Variants in CS observed in about 807,000 individuals in gnomAD.
CS encodes the protein citrate synthase, mitochondrial.
A neutral mutation model predicts 61.4 loss-of-function variants in CS; 13 were observed. That is an observed-to-expected ratio of 0.21 (90% confidence interval 0.14 to 0.34). The LOEUF is 0.34. Ranked by LOEUF, CS falls within the 10% of genes least tolerant of loss-of-function variation. The pLI is 1.00. For synonymous variants in CS, 159 were observed against 215.2 expected (o/e 0.74, Z 2.29); for missense variants, 278 against 573.4 (o/e 0.48, Z 5.26).
chr12:56,292,596 C>A (rs957298760), intron 1 of CS, among the ~76,000 whole-genome samples: 2 of 150,330 alleles, frequency 1.3e-5, no homozygotes, highest in Non-Finnish European at 3.0e-5. Flanking sequence ...ATAAAAATGG[C>A]CTTGATGGCC....
rs1409868164 is a variant in CS at position 56,280,053 on chromosome 12, G to A, written c.588+2367C>T. ...CCAGCACTTTGGGGAAGAGGTGGGC[G>A]AATCACCTGAGGTCAGGAGTTCTGG... is the stretch of plus-strand genomic sequence containing the variant. On this transcript the variant is annotated intron_variant, in intron 6 of 10. Transcript: ENST00000351328. Among the ~76,000 whole-genome samples, 4 of 151,938 alleles carry A rather than the reference G, an allele frequency of 2.6e-5. No homozygotes were observed. The South Asian group carries it at 6.2e-4, about 24-fold the overall frequency.
intron 1 of CS, among the ~76,000 whole-genome samples, chr12:56,290,200 TTA>T (rs1339605075): frequency 1.3e-5 from 2 of 148,984 alleles, no homozygotes; most frequent in Non-Finnish European, 3.0e-5. Flanking sequence ...CCGGAAGATT[TTA>T]TGTTTTTTTG....
chr12:56,293,459 G>A lies in CS; in HGVS notation c.42+6701C>T, dbSNP rs932039396. 4.6e-5 allele frequency among the ~76,000 whole-genome samples: 7 copies of A among 152,220 alleles called. No individual in the cohort carries two copies. The South Asian group carries it at 8.3e-4, about 18-fold the overall frequency. On this transcript the variant is annotated intron_variant, in intron 1 of 10. Transcript: ENST00000351328. ...AGGCTGGACACGGTGGCTCACGCCT[G>A]TAATCCCAACACCTTGGGAGGCCAA...
chr12:56,298,068 G>T (rs1402564279), intron 1 of CS, among the ~76,000 whole-genome samples: 1 of 152,024 alleles, frequency 6.6e-6, no homozygotes, highest in Non-Finnish European at 1.5e-5. Flanking sequence ...GAGCGATCTG[G>T]GCTCACCACA....
chr12:56,280,595 C>T (rs1173593270), intron 6 of CS, among the ~76,000 whole-genome samples: 1 of 151,700 alleles, frequency 6.6e-6, no homozygotes, highest in African/African-American at 2.4e-5. Context: ...CCACTGCATC[C>T]TGGCCTGGGT....
At chr12:56,283,488 C>T (rs1872838970) in intron 4 of CS, among the ~76,000 whole-genome samples, 1 of 152,164 alleles carries the variant, frequency 6.6e-6, no homozygotes, top group Non-Finnish European at 1.5e-5. Flanking sequence ...CATGATCTGC[C>T]CGCCTCAGCC....
At chr12:56,290,714 GGAAA>G (rs1873095200) in intron 1 of CS, among the ~76,000 whole-genome samples, 1 of 12,660 alleles carries the variant, frequency 7.9e-5, no homozygotes, top group Non-Finnish European at 2.3e-3. Flanking sequence ...TTTGGAGTTA[GGAAA>G]GGAAGTCTGG....
rs910570641 is a variant in CS, at chr12:56,273,573, A to T, written c.1230+14T>A. The T allele has an allele frequency of 6.7e-5, 108 of 1,612,746 alleles. No homozygotes were observed. Among genetic ancestry groups the T allele is most frequent in the Non-Finnish European group, 9.0e-5 (106 of 1,178,896 alleles). On this transcript the variant is annotated intron_variant, in intron 10 of 10. Coordinates refer to ENST00000351328, the MANE Select transcript of CS (RefSeq NM_004077.3). ...GGTACAAATTAGAGGGAAAAGAGGG[A>T]AAGGAGGACTTACCTGGAGCAGCAC...
intron 1 of CS, chr12:56,298,502 G>T: frequency 3.0e-6 from 1 of 338,182 alleles, no homozygotes; most frequent in African/African-American, 2.2e-5. Flanking sequence ...TGCAGGGTTA[G>T]ACTATCTGGT....
At chr12:56,299,763 T>C in intron 1 of CS, 1 of 215,622 alleles carries the variant, frequency 4.6e-6, no homozygotes, top group Non-Finnish European at 9.4e-6. Flanking sequence ...GCACATATCT[T>C]CACTCCCGCT....
chr12:56,293,576 G>T (rs1873201042), intron 1 of CS, among the ~76,000 whole-genome samples: 1 of 152,060 alleles, frequency 6.6e-6, no homozygotes. Context: ...AATTAGCCAG[G>T]CGTGGTGGCA....
chr12:56,285,867 A>G, intron 3 of CS, 49 bp downstream of exon 3: 1 of 1,425,936 alleles, frequency 7.0e-7, no homozygotes, highest in Non-Finnish European at 9.9e-7. Context: ...ACTTTTGTTG[A>G]AGCACATTAC....
chr12:56,279,468 C>A (rs1467839791), intron 6 of CS, among the ~76,000 whole-genome samples: 1 of 152,050 alleles, frequency 6.6e-6, no homozygotes, highest in Non-Finnish European at 1.5e-5. Flanking sequence ...GAAACCCCGT[C>A]TCTATTAAAA....
intron 1 of CS, chr12:56,299,912 G>A: frequency 2.2e-6 from 1 of 453,514 alleles, no homozygotes; most frequent in Admixed American, 4.3e-5. Context: ...TGACAGCAGG[G>A]TCGGCCTCCT....
intron 9 of CS, chr12:56,274,139 C>T (rs1215311674): frequency 1.8e-5 from 5 of 274,298 alleles, no homozygotes; most frequent in South Asian, 8.7e-5. Flanking sequence ...CTGACCAACT[C>T]GGAGAAACCC....
At chr12:56,274,553 T>C in intron 9 of CS, 1 of 461,372 alleles carries the variant, frequency 2.2e-6, no homozygotes, top group South Asian at 2.9e-5. Flanking sequence ...AGCCTTAAAC[T>C]CCTGGCCTCA....
At chr12:56,273,435 A>ACCCCAAC (rs35074892) in intron 10 of CS, 152 bp downstream of exon 10, 35 of 990,788 alleles carry the variant, frequency 3.5e-5, no homozygotes, top group Admixed American at 1.5e-4. Flanking sequence ...AAACAGAGCA[A>ACCCCAAC]CCCCAACCCC....
rs1299357725 is a variant in CS at position 56,296,355 on chromosome 12, C to T, written c.42+3805G>A. Among the ~76,000 whole-genome samples the T allele has an allele frequency of 2.6e-5, 4 of 151,936 alleles. No individual in the cohort carries two copies. In the East Asian group the frequency reaches 5.8e-4, roughly 22 times the overall value. ...GTGCGTGCCTGTGGTCCCAGCTACT[C>T]GGGGGGATTGCTTGGGCCCATGAGG... is the stretch of plus-strand genomic sequence containing the variant. On this transcript the variant is annotated intron_variant, in intron 1 of 10. Coordinates refer to ENST00000351328, the MANE Select transcript of CS (RefSeq NM_004077.3).
At chr12:56,276,690 T>C (rs1404784033) in intron 6 of CS, among the ~76,000 whole-genome samples, 1 of 152,076 alleles carries the variant, frequency 6.6e-6, no homozygotes, top group Non-Finnish European at 1.5e-5. Context: ...TACAGGCATG[T>C]GCCACCATAC....
Sources: gnomAD v4.1 joint callset for allele counts (sites outside exome capture counted in the v4.1 genomes callset) on GRCh38, gnomAD v4.1.1 for gene constraint, MANE v1.5 for transcripts, NCBI Gene and HGNC (gene_info 2026-07-23, HGNC 2026-07-21) for gene names.